Variants in RBPMS2 observed in about 807,000 individuals in gnomAD.
The protein encoded by RBPMS2 is RNA binding protein, mRNA processing factor 2, also known as RNA-binding protein with multiple splicing 2.
Under a neutral mutation model 25.7 loss-of-function variants are expected in RBPMS2, and 14 were observed. That is an observed-to-expected ratio of 0.55 (90% confidence interval 0.36 to 0.85). The LOEUF (loss-of-function observed/expected upper bound fraction) is 0.85. Among genes scored for constraint, RBPMS2 ranks in the 40% least tolerant of loss-of-function variants. The pLI is 0.01. For missense variants in RBPMS2, 252 were observed against 283.4 expected, an observed-to-expected ratio of 0.89 and a Z score of 0.80; for synonymous variants, 127 against 115.6, an observed-to-expected ratio of 1.10 and a Z score of -0.63.
At chr15:64,750,200 C>G in intron 3 of RBPMS2, 143 bp downstream of exon 3, 2 of 773,794 alleles carry the variant, frequency 2.6e-6, no homozygotes, top group Non-Finnish European at 4.7e-6. Flanking sequence ...CCTACAGAGG[C>G]TGCTCTGTCA....
chr15:64,774,723 G>T (rs1414144664), intron 1 of RBPMS2, among the ~76,000 whole-genome samples: 3 of 50,026 alleles, frequency 6.0e-5, no homozygotes, highest in African/African-American at 1.7e-4. Flanking sequence ...CAGCTCGCAG[G>T]AACCGAGGAG....
chr15:64,765,761 T>A (rs111765533), intron 1 of RBPMS2, among the ~76,000 whole-genome samples: 1 of 152,098 alleles, frequency 6.6e-6, no homozygotes, highest in Non-Finnish European at 1.5e-5. Flanking sequence ...CTGGCCAACA[T>A]GGCGAAACCC....
Position 64,741,239 on chromosome 15 carries a change from G to C in RBPMS2, c.571C>G (p.Arg191Gly). 6.3e-7 allele frequency: 1 copy of C among 1,588,952 alleles called. No homozygotes were observed. Among genetic ancestry groups the C allele is most frequent in the Non-Finnish European group, 8.6e-7 (1 of 1,167,546 alleles). Residue 191 changes from arginine to glycine, a missense_variant, in exon 7 of 8, where the codon CGC (arginine) becomes GGC (glycine). Coordinates refer to ENST00000300069, the MANE Select transcript of RBPMS2 (RefSeq NM_194272.3). ...GTGGTGTCAGAGGAAGGGTACCAGC[G>C]CACCTGCAAGAGAAGCCAACGTCAG... is the stretch of plus-strand genomic sequence containing the variant. ...AAAAALHAQV[R>G]WYPSSDTTQQ...
At chr15:64,748,154 G>A (rs2083636315) in intron 6 of RBPMS2, among the ~76,000 whole-genome samples, 1 of 152,170 alleles carries the variant, frequency 6.6e-6, no homozygotes, top group Non-Finnish European at 1.5e-5. Flanking sequence ...CGGTGCCTGG[G>A]CAGGGGTGCT....
Position 64,741,215 on chromosome 15 carries a change from T to C in RBPMS2, c.595A>G (p.Thr199Ala), listed in dbSNP as rs1291935581. 4 of 1,592,346 alleles carry C rather than the reference T, an allele frequency of 2.5e-6. No individual in the cohort carries two copies. Among genetic ancestry groups the C allele is most frequent in the Non-Finnish European group, 3.4e-6 (4 of 1,169,372 alleles). ...TGACGGTACTTCCATCCTTGCTGGG[T>C]GGTGTCAGAGGAAGGGTACCAGCGC... Reference protein sequence around the residue: ...QVRWYPSSDTTQQGWKYRQFC With the variant: ...QVRWYPSSDTAQQGWKYRQFC The change falls in exon 7 of 8, where the codon ACC becomes GCC. Residue 199 changes from threonine to alanine, a missense_variant. By Grantham distance (58) the Thr-to-Ala change is moderately conservative. Transcript: ENST00000300069.
chr15:64,775,300 T>C lies in RBPMS2; in HGVS notation c.20A>G (p.Asp7Gly), dbSNP rs1242303758. The change falls in exon 1 of 8, where the codon GAC becomes GGC. Residue 7 changes from aspartate to glycine, a missense_variant. By Grantham distance (94) the Asp-to-Gly change is moderately conservative. Transcript: ENST00000300069. The stretch of plus-strand genomic sequence containing the variant: ...GCCGGTGCTGCCGCCGTGCTCGCCG[T>C]CCGGCTTCAGGTTGCTCATGGTGCG... MSNLKP[D>G]GEHGGSTGTG... 1.5e-6 allele frequency: 2 copies of C among 1,348,628 alleles called. No individual in the cohort carries two copies. Among genetic ancestry groups the C allele is most frequent in the Non-Finnish European group, 9.6e-7 (1 of 1,043,990 alleles). 83.5% of individuals were successfully genotyped at this position (1,348,628 alleles called of 1,614,324 possible).
rs964509975 is a variant in RBPMS2, at chr15:64,741,330, G to C, written c.568-88C>G. The C allele has an allele frequency of 8.8e-6, 9 of 1,026,028 alleles. No individual in the cohort carries two copies. The African/African-American group carries it at 9.6e-5, about 11-fold the overall frequency. 63.6% of individuals were successfully genotyped at this position (1,026,028 alleles called of 1,614,324 possible). On this transcript the variant is annotated intron_variant, in intron 6 of 7. Transcript: ENST00000300069. ...AACCATGGCCATCGGTGTCCCCGCT[G>C]GAGTCCTGGTTCTGTCACTGATTGG...
At chr15:64,771,517 T>C (rs2083893010) in intron 1 of RBPMS2, among the ~76,000 whole-genome samples, 1 of 151,918 alleles carries the variant, frequency 6.6e-6, no homozygotes, top group Non-Finnish European at 1.5e-5. Flanking sequence ...ACCCCGTCTC[T>C]ACTAAAAATA....
Position 64,767,606 on chromosome 15 carries a change from C to T in RBPMS2, c.87+7627G>A, listed in dbSNP as rs370871666. Among the ~76,000 whole-genome samples the T allele has an allele frequency of 3.9e-5, 6 of 152,366 alleles. No homozygotes were observed. The East Asian group carries it at 9.6e-4, about 24-fold the overall frequency. ...CACCCACCAGCCATGGCTTCCTCTACTTACGGCGCTTGCCAGTCCCACCCT... is the reference window on the plus strand; with the variant it reads ...CACCCACCAGCCATGGCTTCCTCTATTTACGGCGCTTGCCAGTCCCACCCT... On this transcript the variant is annotated intron_variant, in intron 1 of 7. Transcript: ENST00000300069.
intron 1 of RBPMS2, among the ~76,000 whole-genome samples, chr15:64,769,946 C>T (rs1159614172): frequency 4.0e-5 from 6 of 151,808 alleles, no homozygotes; most frequent in East Asian, 1.9e-4. Context: ...TTTGGGAGGC[C>T]GAGGCAGGAG....
At chr15:64,767,106 C>T (rs945216940) in intron 1 of RBPMS2, among the ~76,000 whole-genome samples, 11 of 150,942 alleles carry the variant, frequency 7.3e-5, no homozygotes, top group African/African-American at 1.7e-4. Context: ...TTTTTTCTCT[C>T]TTTTTTTTTG....
At chr15:64,759,947 A>G (rs1224599290) in intron 1 of RBPMS2, among the ~76,000 whole-genome samples, 1 of 152,194 alleles carries the variant, frequency 6.6e-6, no homozygotes, top group African/African-American at 2.4e-5. Flanking sequence ...TTCTGGGATT[A>G]CAGGCGTGAG....
intron 1 of RBPMS2, among the ~76,000 whole-genome samples, chr15:64,755,747 C>T (rs993996495): frequency 6.6e-6 from 1 of 152,148 alleles, no homozygotes; most frequent in Non-Finnish European, 1.5e-5. Flanking sequence ...GCAGGGGAAG[C>T]GTGGGCTCCG....
At chr15:64,758,388 A>G (rs918812488) in intron 1 of RBPMS2, among the ~76,000 whole-genome samples, 3 of 152,226 alleles carry the variant, frequency 2.0e-5, no homozygotes, top group African/African-American at 7.2e-5. Flanking sequence ...CTGTAGTCAC[A>G]TGGAGCAGGT....
At chr15:64,765,313 G>C (rs2083836044) in intron 1 of RBPMS2, among the ~76,000 whole-genome samples, 1 of 151,180 alleles carries the variant, frequency 6.6e-6, no homozygotes. Context: ...TACTCGGGAG[G>C]CTGAGGCAGG....
chr15:64,744,543 A>C (rs2083595363), intron 6 of RBPMS2, among the ~76,000 whole-genome samples: 1 of 138,016 alleles, frequency 7.2e-6, no homozygotes, highest in East Asian at 2.2e-4. Context: ...GGGCAACAAG[A>C]GTGAAACTCT....
At chr15:64,743,888 T>TGC (rs1191485514) in intron 6 of RBPMS2, among the ~76,000 whole-genome samples, 1 of 152,062 alleles carries the variant, frequency 6.6e-6, no homozygotes, top group East Asian at 1.9e-4. Context: ...GCGGATCTCT[T>TGC]GAGCCCAGAA....
In RBPMS2 at chr15:64,740,926, GGGGGCAGTGGGAACTC is replaced by G. The variant is rs1240454355; in HGVS notation, c.*66_*81del. ...GGCAGCAGCTCTGTGCAGGCCGCCC[GGGGGCAGTGGGAACTC>G]GGGGCGCCTGTCCCGGCACCACCAC... On this transcript the variant is annotated 3_prime_UTR_variant, in exon 8 of 8. Transcript: ENST00000300069. 4.5e-6 allele frequency: 2 copies of G among 443,156 alleles called. No individual in the cohort carries two copies. Among genetic ancestry groups the G allele is most frequent in the Non-Finnish European group, 8.3e-6 (2 of 241,246 alleles). 27.5% of individuals were successfully genotyped at this position (443,156 alleles called of 1,614,324 possible). A position where few individuals can be genotyped will look rare whatever the true frequency, so the allele number is the denominator to read the frequency against.
intron 1 of RBPMS2, among the ~76,000 whole-genome samples, chr15:64,771,036 C>A (rs1008232263): frequency 6.6e-6 from 1 of 152,220 alleles, no homozygotes; most frequent in Non-Finnish European, 1.5e-5. Flanking sequence ...CTGCCATTAA[C>A]CCCTGCCTTT....
Sources: gnomAD v4.1 joint callset for allele counts (sites outside exome capture counted in the v4.1 genomes callset) on GRCh38, gnomAD v4.1.1 for gene constraint, MANE v1.5 for transcripts, NCBI Gene and HGNC (gene_info 2026-07-23, HGNC 2026-07-21) for gene names.